PCDHA9: variants seen among roughly 807,000 people sequenced by gnomAD.
The protein encoded by PCDHA9 is protocadherin alpha-9.
Under a neutral mutation model 62.0 loss-of-function variants are expected in PCDHA9, and 62 were observed. The ratio of observed to expected loss-of-function variants is 1.00; its 90% confidence interval spans 0.81 to 1.23. PCDHA9 has a LOEUF of 1.23. PCDHA9 is among the 50% of genes most tolerant of loss of function. The pLI, the probability that PCDHA9 is intolerant of heterozygous loss-of-function variation, is 0.00. For missense variants in PCDHA9, 1,205 were observed against 1,249.8 expected, an observed-to-expected ratio of 0.96 and a Z score of 0.54; for synonymous variants, 557 against 567.6, an observed-to-expected ratio of 0.98 and a Z score of 0.27.
intron 1 of PCDHA9, chr5:140,860,060 G>A (rs1238594068): frequency 2.0e-5 from 3 of 151,870 alleles, no homozygotes; most frequent in Admixed American, 6.6e-5. Context: ...AGGCCAAGGT[G>A]GGAGGATGGT....
intron 1 of PCDHA9, chr5:140,869,538 T>C (rs536846543): frequency 1.2e-6 from 2 of 1,614,204 alleles, no homozygotes; most frequent in East Asian, 4.5e-5. Context: ...TTGCGGAATC[T>C]AAGCAATCGG....
At chr5:140,969,146 AAGGCCTGTCTGACAGC>A in intron 1 of PCDHA9, 1 of 1,614,170 alleles carries the variant, frequency 6.2e-7, no homozygotes, top group Non-Finnish European at 8.5e-7. Flanking sequence ...CTACTGCTAC[AAGGCCTGTCTGACAGC>A]AGGCTCAGGG....
At position 140,884,506 on chromosome 5, in the gene PCDHA9, G is replaced by C. The variant is rs10076265; in HGVS notation, c.2394+33617G>C. 4,595 of 1,614,168 alleles carry C rather than the reference G, an allele frequency of 2.8e-3. 101 individuals are homozygous for C. In the African/African-American group the frequency reaches 0.053, roughly 19 times the overall value. On this transcript the variant is annotated intron_variant, in intron 1 of 3. Coordinates refer to ENST00000532602, the MANE Select transcript of PCDHA9 (RefSeq NM_031857.2). Reference sequence around the variant, plus strand: ...CTCTAGTGTGCTCCAGCGCGGCAGGGAGTTGGTCGTACTCGCAGCAGAGGC... The same window carrying C: ...CTCTAGTGTGCTCCAGCGCGGCAGGCAGTTGGTCGTACTCGCAGCAGAGGC...
intron 1 of PCDHA9, among the ~76,000 whole-genome samples, chr5:140,961,681 G>A (rs911141843): frequency 3.9e-5 from 6 of 152,152 alleles, no homozygotes; most frequent in African/African-American, 9.7e-5. Context: ...TAATTAAGCC[G>A]GAGTAGTCCT....
At chr5:140,886,852 G>T (rs1554182787) in intron 1 of PCDHA9, among the ~76,000 whole-genome samples, 1 of 146,470 alleles carries the variant, frequency 6.8e-6, no homozygotes, top group Non-Finnish European at 1.5e-5. Flanking sequence ...AAAAAAGAAA[G>T]GTCTTCCCAA....
At chr5:140,874,633 C>T (rs1399730965) in intron 1 of PCDHA9, among the ~76,000 whole-genome samples, 3 of 152,208 alleles carry the variant, frequency 2.0e-5, no homozygotes, top group African/African-American at 7.2e-5. Flanking sequence ...CATTAAAGTG[C>T]TTTACTTTTG....
chr5:140,882,708 C>T, intron 1 of PCDHA9: 2 of 1,614,174 alleles, frequency 1.2e-6, no homozygotes, highest in Non-Finnish European at 1.7e-6. Flanking sequence ...GAATCTAGAC[C>T]TCCGGAAACT....
chr5:140,971,973 A>G (rs1554233757), intron 1 of PCDHA9, among the ~76,000 whole-genome samples: 1 of 152,218 alleles, frequency 6.6e-6, no homozygotes, highest in South Asian at 2.1e-4. Flanking sequence ...TTTCAATACT[A>G]TGAGTAGACA....
intron 1 of PCDHA9, chr5:140,884,715 AGTT>A: frequency 6.8e-7 from 1 of 1,470,936 alleles, no homozygotes; most frequent in Non-Finnish European, 9.0e-7. Context: ...CCTTCCTTGC[AGTT>A]GTTTGTTTAA....
intron 1 of PCDHA9, among the ~76,000 whole-genome samples, chr5:140,965,094 A>G (rs1289535686): frequency 6.6e-6 from 1 of 152,236 alleles, no homozygotes; most frequent in Non-Finnish European, 1.5e-5. Context: ...TCCAGTCCAT[A>G]GCTAGAAAAT....
Position 140,871,256 on chromosome 5 carries a change from C to T in PCDHA9, c.2394+20367C>T, listed in dbSNP as rs781990448. ...CTGGTACTCACGCTGCTGCTGTATA[C>T]GGCGCTGTGGTGGTCGGCAACGCCC... On this transcript the variant is annotated intron_variant, in intron 1 of 3. Coordinates refer to ENST00000532602, the MANE Select transcript of PCDHA9 (RefSeq NM_031857.2). The T allele has an allele frequency of 4.3e-6, 7 of 1,613,866 alleles. No individual in the cohort carries two copies. Among genetic ancestry groups the T allele is most frequent in the East Asian group, 2.2e-5 (1 of 44,888 alleles).
At chr5:140,996,791 A>G (rs2153942087) in intron 3 of PCDHA9, among the ~76,000 whole-genome samples, 1 of 152,316 alleles carries the variant, frequency 6.6e-6, no homozygotes, top group Non-Finnish European at 1.5e-5. Context: ...CTCACTCCCT[A>G]CATCCAATCA....
chr5:140,936,941 T>C (rs547536853), intron 1 of PCDHA9, among the ~76,000 whole-genome samples: 14 of 152,342 alleles, frequency 9.2e-5, no homozygotes, highest in Non-Finnish European at 1.3e-4. Flanking sequence ...GAAAATATCT[T>C]ATTTTGATCT....
Position 140,979,705 on chromosome 5 carries a change from G to A in PCDHA9, c.2453+698G>A, listed in dbSNP as rs138804576. Among the ~76,000 whole-genome samples, 597 of 152,336 alleles carry A rather than the reference G, an allele frequency of 3.9e-3. 4 individuals carry two copies. The highest frequency in any genetic ancestry group is 0.014 in the African/African-American group (562 of 41,570). On this transcript the variant is annotated intron_variant, in intron 2 of 3. Coordinates refer to ENST00000532602, the MANE Select transcript of PCDHA9 (RefSeq NM_031857.2). ...ATTAACTACCATTATTTCTGGAGGT[G>A]ATCCAGTATCCATGCCATGGGGCCA... is the stretch of plus-strand genomic sequence containing the variant.
intron 1 of PCDHA9, chr5:140,858,337 C>G (rs782748390): frequency 6.3e-7 from 1 of 1,595,568 alleles, no homozygotes; most frequent in Admixed American, 1.7e-5. Context: ...AGGGCCTGCC[C>G]AAGGCGGACC....
chr5:140,875,765 G>T (rs1554167926), intron 1 of PCDHA9: 2 of 1,614,252 alleles, frequency 1.2e-6, no homozygotes, highest in Middle Eastern at 1.6e-4. Context: ...CTGTGCGGGC[G>T]GAGCGCGGAG....
chr5:140,852,582 ATT>A (rs527656692), intron 1 of PCDHA9: 197 of 691,142 alleles, frequency 2.9e-4, no homozygotes, highest in Middle Eastern at 7.5e-4. Context: ...AGGCTTTTTT[ATT>A]TTTTTTTTTT....
At chr5:140,985,154 G>T (rs2097139142) in intron 3 of PCDHA9, among the ~76,000 whole-genome samples, 1 of 152,086 alleles carries the variant, frequency 6.6e-6, no homozygotes, top group South Asian at 2.1e-4. Flanking sequence ...AGCCAGGATT[G>T]TCTCAATCTC....
At chr5:140,882,252 G>A in intron 1 of PCDHA9, 1 of 1,597,600 alleles carries the variant, frequency 6.3e-7, no homozygotes, top group Non-Finnish European at 8.5e-7. Context: ...ATAGCTCTGA[G>A]GTTTTTGGAG....
Sources: allele counts gnomAD v4.1 joint callset (sites outside exome capture counted in the v4.1 genomes callset), GRCh38; gene constraint gnomAD v4.1.1; transcripts MANE v1.5; gene names NCBI Gene and HGNC (gene_info 2026-07-23, HGNC 2026-07-21).